The following ACCSL variants were observed in gnomAD, a reference collection of about 807,000 sequenced individuals.
ACCSL encodes 1-aminocyclopropane-1-carboxylate synthase homolog (inactive) like, also known as probable inactive 1-aminocyclopropane-1-carboxylate synthase-like protein 2.
Under a neutral mutation model 61.7 loss-of-function variants are expected in ACCSL, and 55 were observed. The observed-to-expected ratio is 0.89, with a 90% CI of 0.72 to 1.12. ACCSL has a LOEUF of 1.12. Among genes scored for constraint, ACCSL ranks in the 50% most tolerant of loss-of-function variants. The pLI, the probability that ACCSL is intolerant of heterozygous loss-of-function variation, is 0.00. For missense variants in ACCSL, 632 were observed against 698.0 expected (o/e 0.91, Z 1.07); for synonymous variants, 258 against 264.3 (o/e 0.98, Z 0.23).
the ACCSL span, among the ~76,000 whole-genome samples, chr11:43,957,891 G>A: frequency 2.5e-3 from 384 of 152,248 alleles, 2 homozygotes; most frequent in African/African-American, 8.8e-3. Flanking sequence ...GGTTTCTTTG[G>A]AATCCCCTTG....
chr11:43,950,698 A>G, the ACCSL span, among the ~76,000 whole-genome samples: 7 of 152,208 alleles, frequency 4.6e-5, no homozygotes, highest in Admixed American at 3.3e-4. Flanking sequence ...CACAAGCCCA[A>G]TGGCCTAGGG....
the ACCSL span, among the ~76,000 whole-genome samples, chr11:44,036,578 T>C: frequency 6.6e-6 from 1 of 151,988 alleles, no homozygotes; most frequent in Non-Finnish European, 1.5e-5. Context: ...GGCCAGGAGT[T>C]TGAGACCAGC....
At chr11:43,968,314 C>T in the ACCSL span, among the ~76,000 whole-genome samples, 1 of 151,962 alleles carries the variant, frequency 6.6e-6, no homozygotes, top group African/African-American at 2.4e-5. Flanking sequence ...ATTCAGCATC[C>T]CCCTGAGCCC....
At chr11:44,035,025 C>A in the ACCSL span, among the ~76,000 whole-genome samples, 3 of 152,116 alleles carry the variant, frequency 2.0e-5, no homozygotes, top group Admixed American at 2.0e-4. Flanking sequence ...TATCCCAGGG[C>A]CTTTGCACTT....
chr11:43,964,927 A>G, the ACCSL span, among the ~76,000 whole-genome samples: 7 of 152,326 alleles, frequency 4.6e-5, no homozygotes, highest in Non-Finnish European at 1.0e-4. Flanking sequence ...GAAACTAGGA[A>G]TAAAAGGAAA....
At chr11:43,938,197 G>A in the ACCSL span, among the ~76,000 whole-genome samples, 5 of 152,050 alleles carry the variant, frequency 3.3e-5, no homozygotes, top group African/African-American at 9.7e-5. Flanking sequence ...CAGCGGAGGA[G>A]GTTCTCTGGG....
the ACCSL span, among the ~76,000 whole-genome samples, chr11:44,035,663 C>T: frequency 6.6e-6 from 1 of 152,064 alleles, no homozygotes. Context: ...AGGGGCAGGG[C>T]ACGGTGGCTC....
At chr11:43,937,256 T>C in the ACCSL span, among the ~76,000 whole-genome samples, 1 of 152,092 alleles carries the variant, frequency 6.6e-6, no homozygotes, top group African/African-American at 2.4e-5. Flanking sequence ...GACCACCTAG[T>C]GGGGAAGGCG....
At chr11:44,049,701 A>C (rs552676366) in intron 1 of ACCSL, among the ~76,000 whole-genome samples, 85 of 152,322 alleles carry the variant, frequency 5.6e-4, no homozygotes, top group African/African-American at 1.9e-3. Context: ...TTTTCACCCA[A>C]GGTCACATGG....
At chr11:43,941,856 C>G in the ACCSL span, among the ~76,000 whole-genome samples, 1 of 150,826 alleles carries the variant, frequency 6.6e-6, no homozygotes, top group Admixed American at 6.7e-5. Context: ...GTAAAGCTCT[C>G]CAGATGGTAG....
chr11:44,058,420 C>T lies in ACCSL; in HGVS notation c.1431C>T (p.Asn477=). 1 of 1,614,170 alleles carries T rather than the reference C, an allele frequency of 6.2e-7. No individual in the cohort carries two copies. ...AGGCATTGGAGATCCCTTTTCACAA[C>T]CGCAGCTCTGGCCTCTATGTCTGGA... ...ELKALEIPFH[N]RSSGLYVWIN... The change falls in exon 12 of 14, where the codon AAC becomes AAT. Residue 477 remains asparagine, a synonymous_variant. Coordinates refer to ENST00000378832, the MANE Select transcript of ACCSL (RefSeq NM_001031854.2).
At chr11:43,923,467 C>T in the ACCSL span, among the ~76,000 whole-genome samples, 1 of 152,208 alleles carries the variant, frequency 6.6e-6, no homozygotes, top group Non-Finnish European at 1.5e-5. Context: ...CACCCACACG[C>T]TCTCCTCAGA....
chr11:44,013,007 C>T, the ACCSL span, among the ~76,000 whole-genome samples: 108 of 152,194 alleles, frequency 7.1e-4, no homozygotes, highest in African/African-American at 2.4e-3. Flanking sequence ...AGCCCAGTGC[C>T]GGGAGCATGG....
chr11:44,045,065 T>A (rs1952590580), upstream of ACCSL, among the ~76,000 whole-genome samples: 1 of 152,222 alleles, frequency 6.6e-6, no homozygotes, highest in Non-Finnish European at 1.5e-5. Flanking sequence ...ACTTTTCCCA[T>A]AGAAAGATGA....
the ACCSL span, among the ~76,000 whole-genome samples, chr11:43,932,322 C>T: frequency 2.9e-4 from 44 of 152,122 alleles, no homozygotes; most frequent in Non-Finnish European, 1.2e-4. Flanking sequence ...GGCTGGAGTG[C>T]AGTGGCACAG....
chr11:43,978,003 CTTTTTT>C, the ACCSL span, among the ~76,000 whole-genome samples: 1 of 97,652 alleles, frequency 1.0e-5, no homozygotes, highest in Admixed American at 1.1e-4. Flanking sequence ...CTAGGAAGCT[CTTTTTT>C]TTTTTTTTTT....
intron 11 of ACCSL, 22 bp downstream of exon 11, chr11:44,056,348 C>G: frequency 6.2e-7 from 1 of 1,607,082 alleles, no homozygotes; most frequent in Non-Finnish European, 8.5e-7. Flanking sequence ...TAGCACAGAC[C>G]AGCATGTTGG....
the ACCSL span, among the ~76,000 whole-genome samples, chr11:44,028,788 TCTC>T: frequency 6.6e-6 from 1 of 152,214 alleles, no homozygotes; most frequent in Non-Finnish European, 1.5e-5. Flanking sequence ...AATAATGACT[TCTC>T]CACATATGTC....
At chr11:44,050,869 T>G in intron 3 of ACCSL, among the ~76,000 whole-genome samples, 1 of 140,644 alleles carries the variant, frequency 7.1e-6, no homozygotes, top group African/African-American at 2.7e-5. Flanking sequence ...TGAGATGGAG[T>G]CTCACTCTGT....
Sources: allele counts gnomAD v4.1 joint callset (sites outside exome capture counted in the v4.1 genomes callset), GRCh38; gene constraint gnomAD v4.1.1; transcripts MANE v1.5; gene names NCBI Gene and HGNC (gene_info 2026-07-23, HGNC 2026-07-21).